The following CADPS variants were observed in gnomAD, a reference collection of about 807,000 sequenced individuals.
The protein encoded by CADPS is calcium-dependent secretion activator 1.
CADPS carries 57 observed loss-of-function variants against 167.3 expected under a neutral mutation model. The observed-to-expected ratio is 0.34, with a 90% CI of 0.28 to 0.42. The LOEUF (loss-of-function observed/expected upper bound fraction) is 0.42, where lower values mean the gene tolerates loss of function less well. CADPS is among the 20% of genes least tolerant of loss of function. CADPS has a pLI of 1.00. For synonymous variants in CADPS, 676 were observed against 635.3 expected, an observed-to-expected ratio of 1.06 and a Z score of -0.96; for missense variants, 1,414 against 1,738.1, an observed-to-expected ratio of 0.81 and a Z score of 3.32.
At position 62,578,612 on chromosome 3, in the gene CADPS, AAAAAT is replaced by A. The variant is rs1228967975; in HGVS notation, c.1577+6568_1577+6572del. Among the ~76,000 whole-genome samples, 10 of 57,562 alleles carry A rather than the reference AAAAAT, an allele frequency of 1.7e-4. No individual in the cohort carries two copies. In the South Asian group the frequency reaches 3.3e-3, roughly 19 times the overall value. 37.8% of individuals were successfully genotyped at this position (57,562 alleles called of 152,430 possible). ...GTGACAGAGCAAGACTCCGTCTCAA[AAAAAT>A]AAAAAAAAAAAAAAGACTTAACAAT... is the stretch of plus-strand genomic sequence containing the variant. On this transcript the variant is annotated intron_variant, in intron 8 of 29. Coordinates refer to ENST00000383710, the MANE Select transcript of CADPS (RefSeq NM_003716.4).
At chr3:62,779,467 G>A (rs1489068873) in intron 1 of CADPS, 2 of 535,428 alleles carry the variant, frequency 3.7e-6, no homozygotes, top group Non-Finnish European at 7.6e-6. Context: ...ACTTTAAAAT[G>A]ATCAAAATCT....
intron 17 of CADPS, among the ~76,000 whole-genome samples, chr3:62,511,922 G>C (rs1050036489): frequency 6.6e-6 from 1 of 152,136 alleles, no homozygotes; most frequent in East Asian, 1.9e-4. Flanking sequence ...ATAAATGACT[G>C]AATAAATATC....
Position 62,466,391 on chromosome 3 carries a change from T to C in CADPS, c.3500A>G (p.Asp1167Gly). ...TTTAACAGTTTCTTCAATTAGTTCG[T>C]CTATTTTTGAATGGTATTGATGCTA... ...GQEHQYHSKI[D>G]ELIEETVKEM... Residue 1167 changes from aspartate to glycine, a missense_variant, in exon 25 of 30, where the codon GAC becomes GGC. Transcript: ENST00000383710. 6.2e-7 allele frequency: 1 copy of C among 1,611,024 alleles called. No homozygotes were observed. The highest frequency in any genetic ancestry group is 1.3e-5 in the African/African-American group (1 of 75,004).
At chr3:62,679,591 G>C (rs562353798) in intron 3 of CADPS, among the ~76,000 whole-genome samples, 1 of 152,036 alleles carries the variant, frequency 6.6e-6, no homozygotes, top group East Asian at 1.9e-4. Context: ...CCACACAGTG[G>C]GACCAATGGA....
At chr3:62,656,783 G>C (rs141423464) in intron 4 of CADPS, among the ~76,000 whole-genome samples, 2,296 of 152,264 alleles carry the variant, frequency 0.015, 31 homozygotes, top group Middle Eastern at 0.044. Flanking sequence ...GGCACTTTGG[G>C]CTCAGGCATT....
intron 28 of CADPS, among the ~76,000 whole-genome samples, chr3:62,407,706 C>A (rs1575607323): frequency 6.6e-6 from 1 of 152,120 alleles, no homozygotes. Flanking sequence ...TTATTCCTCT[C>A]AGAAACATCA....
intron 25 of CADPS, 118 bp downstream of exon 25, chr3:62,466,221 G>A (rs1446517230): frequency 2.6e-5 from 18 of 680,070 alleles, no homozygotes; most frequent in Non-Finnish European, 4.7e-5. Context: ...GTACAATCTT[G>A]TTTCCTGAGA....
In CADPS at chr3:62,829,730, T is replaced by A. The variant is rs2074723401; in HGVS notation, c.441+44859A>T. On this transcript the variant is annotated intron_variant, in intron 1 of 29. Transcript: ENST00000383710. ...GGTCAAGCTTTTGTTGGGCTATTAT[T>A]GGCTCTCTGGCTTTATATTCAATGT... Among the ~76,000 whole-genome samples, 4 of 152,140 alleles carry A rather than the reference T, an allele frequency of 2.6e-5. No individual in the cohort carries two copies. The South Asian group carries it at 8.3e-4, about 32-fold the overall frequency.
rs181719844 is a variant in CADPS at position 62,671,232 on chromosome 3, T to C, written c.889-8838A>G. Among the ~76,000 whole-genome samples the C allele has an allele frequency of 2.0e-5, 3 of 152,280 alleles. No homozygotes were observed. The East Asian group carries it at 5.8e-4, about 29-fold the overall frequency. On this transcript the variant is annotated intron_variant, in intron 3 of 29. Coordinates refer to ENST00000383710, the MANE Select transcript of CADPS (RefSeq NM_003716.4). ...GGTTAAGGCCATAATGTATTACTATTGAGGCCAGAGACTATGTTTTTTATC... is the reference window on the plus strand; with the variant it reads ...GGTTAAGGCCATAATGTATTACTATCGAGGCCAGAGACTATGTTTTTTATC...
At chr3:62,548,102 AT>A in intron 11 of CADPS, among the ~76,000 whole-genome samples, 1 of 152,074 alleles carries the variant, frequency 6.6e-6, no homozygotes, top group East Asian at 1.9e-4. Context: ...TATAGTTAGA[AT>A]TTTTTTCTGA....
intron 23 of CADPS, among the ~76,000 whole-genome samples, chr3:62,474,528 G>C (rs1004042819): frequency 1.3e-5 from 2 of 152,038 alleles, no homozygotes; most frequent in African/African-American, 4.8e-5. Context: ...TTCCTTTCCG[G>C]CAGTACCCGG....
chr3:62,855,092 T>TTTTTTTTTTTTTC (rs1491248817), intron 1 of CADPS, among the ~76,000 whole-genome samples: 1 of 22,674 alleles, frequency 4.4e-5, no homozygotes, highest in Non-Finnish European at 1.0e-4. Flanking sequence ...GCCCGGCTAA[T>TTTTTTTTTTTTTC]TTTTTTTTTT....
intron 28 of CADPS, among the ~76,000 whole-genome samples, chr3:62,405,233 C>G (rs1177259324): frequency 6.6e-6 from 1 of 151,686 alleles, no homozygotes; most frequent in Non-Finnish European, 1.5e-5. Flanking sequence ...TTCGAGCAAT[C>G]CTGGCAAACT....
At chr3:62,692,539 C>T (rs957888802) in intron 3 of CADPS, among the ~76,000 whole-genome samples, 1 of 152,068 alleles carries the variant, frequency 6.6e-6, no homozygotes, top group Non-Finnish European at 1.5e-5. Context: ...ATATATTATT[C>T]CAGTCTTTTG....
rs187666274 is a variant in CADPS, at chr3:62,603,062, A to G, written c.1326-10314T>C. Among the ~76,000 whole-genome samples the G allele has an allele frequency of 2.9e-3, 437 of 152,290 alleles. 3 individuals are homozygous for G. Among genetic ancestry groups the G allele is most frequent in the African/African-American group, 9.9e-3 (411 of 41,570 alleles). ...GTGGAACATGAAAACTTCACCACGA[A>G]GCAATTGTCACCTGTACGATGCACT... On this transcript the variant is annotated intron_variant, in intron 6 of 29. Transcript: ENST00000383710.
At chr3:62,436,500 G>A (rs187462589) in intron 28 of CADPS, among the ~76,000 whole-genome samples, 10 of 152,264 alleles carry the variant, frequency 6.6e-5, no homozygotes, top group Non-Finnish European at 7.3e-5. Flanking sequence ...CAGACCCGAG[G>A]GTCCTGCCTG....
At chr3:62,853,636 A>G (rs1216160842) in intron 1 of CADPS, among the ~76,000 whole-genome samples, 3 of 143,634 alleles carry the variant, frequency 2.1e-5, no homozygotes, top group African/African-American at 8.7e-5. Flanking sequence ...AAAAAAAAAA[A>G]AAAGAAAAGA....
At chr3:62,716,909 C>A (rs765568825) in intron 3 of CADPS, among the ~76,000 whole-genome samples, 30 of 152,128 alleles carry the variant, frequency 2.0e-4, no homozygotes, top group Non-Finnish European at 3.7e-4. Flanking sequence ...GTTAATGGTT[C>A]ATAAGATCAA....
Position 62,874,080 on chromosome 3 carries a change from A to C in CADPS, c.441+509T>G, listed in dbSNP as rs943219390. Among the ~76,000 whole-genome samples the C allele has an allele frequency of 6.6e-6, 1 of 152,100 alleles. No homozygotes were observed. The highest frequency in any genetic ancestry group is 2.4e-5 in the African/African-American group (1 of 41,434). ...TGCCCCTGCGGTTGCTCTCTGCCCC[A>C]GCGAGCGGAGCGCTGCTCCAAGACG... On this transcript the variant is annotated intron_variant, in intron 1 of 29. Coordinates refer to ENST00000383710, the MANE Select transcript of CADPS (RefSeq NM_003716.4). This position sits in a 1 kb window ranked among gnomAD's most constrained non-coding sequence, Gnocchi z 7.1.
Sources: allele counts gnomAD v4.1 joint callset (sites outside exome capture counted in the v4.1 genomes callset), GRCh38; gene constraint gnomAD v4.1.1; non-coding constraint Gnocchi (gnomAD v3.1); transcripts MANE v1.5; gene names NCBI Gene and HGNC (gene_info 2026-07-23, HGNC 2026-07-21).